HMBOX1: variants seen among roughly 807,000 people sequenced by gnomAD.
The protein encoded by HMBOX1 is homeobox-containing protein 1.
A neutral mutation model predicts 54.5 loss-of-function variants in HMBOX1; 14 were observed. That is an observed-to-expected ratio of 0.26 (90% CI 0.17 to 0.40). The LOEUF is 0.40. Ranked by LOEUF, HMBOX1 falls within the 10% of genes least tolerant of loss-of-function variation. The pLI is 1.00. For synonymous variants in HMBOX1, 160 were observed against 181.0 expected (o/e 0.88, Z 0.93); for missense variants, 332 against 514.4 (o/e 0.65, Z 3.43).
At chr8:28,921,450 G>A (rs1417397935) in intron 1 of HMBOX1, among the ~76,000 whole-genome samples, 1 of 152,140 alleles carries the variant, frequency 6.6e-6, no homozygotes, top group African/African-American at 2.4e-5. Flanking sequence ...ACTGTATAAA[G>A]GAAACCTGTA....
chr8:28,966,469 T>A (rs1826457101), intron 2 of HMBOX1, among the ~76,000 whole-genome samples: 1 of 152,222 alleles, frequency 6.6e-6, no homozygotes, highest in Non-Finnish European at 1.5e-5. Flanking sequence ...TCCTTGTGCA[T>A]AAGAAAATTA....
intron 1 of HMBOX1, among the ~76,000 whole-genome samples, chr8:28,897,723 T>C (rs1444689259): frequency 6.6e-6 from 1 of 152,230 alleles, no homozygotes; most frequent in African/African-American, 2.4e-5. Context: ...ATTCAAGGCT[T>C]ACATGGTATG....
Position 28,983,746 on chromosome 8 carries a change from G to A in HMBOX1, c.586+3590G>A, listed in dbSNP as rs116985276. 2.0e-5 allele frequency among the ~76,000 whole-genome samples: 3 copies of A among 152,304 alleles called. No homozygotes were observed. In the East Asian group the frequency reaches 5.8e-4, roughly 29 times the overall value. On this transcript the variant is annotated intron_variant, in intron 4 of 9. Coordinates refer to ENST00000287701, the MANE Select transcript of HMBOX1 (RefSeq NM_001135726.3). ...GTCCAGTGTGACTTTCTTCAGTGGT[G>A]TGCCCTCTCCAAAAATAATAATTCA...
intron 4 of HMBOX1, among the ~76,000 whole-genome samples, chr8:29,005,081 C>T (rs1833242491): frequency 1.3e-5 from 2 of 152,156 alleles, no homozygotes; most frequent in South Asian, 4.1e-4. Context: ...ATTTCTTCCT[C>T]ACACAAAAGA....
In HMBOX1 at chr8:28,904,100, C is replaced by T. The variant is rs528111325; in HGVS notation, c.-58+13422C>T. On this transcript the variant is annotated intron_variant, in intron 1 of 9. Transcript: ENST00000287701. ...GCCTTTTCTTTGTGTGTGACTCTATCAGTTGACACTCTACATCAGTTTTTC... is the reference window on the plus strand; with the variant it reads ...GCCTTTTCTTTGTGTGTGACTCTATTAGTTGACACTCTACATCAGTTTTTC... Among the ~76,000 whole-genome samples, 3 of 152,264 alleles carry T rather than the reference C, an allele frequency of 2.0e-5. No homozygotes were observed. The South Asian group carries it at 6.2e-4, about 32-fold the overall frequency.
rs553979503 is a variant in HMBOX1, at chr8:28,993,857, C to G, written c.586+13701C>G. ...GCAAGAAAAAAATACATAAGAATAA[C>G]TAAGAGATTGTTTAAAAAGAACAGG... On this transcript the variant is annotated intron_variant, in intron 4 of 9. Coordinates refer to ENST00000287701, the MANE Select transcript of HMBOX1 (RefSeq NM_001135726.3). 8.6e-4 allele frequency among the ~76,000 whole-genome samples: 131 copies of G among 152,036 alleles called. 1 individual carries two copies. Among genetic ancestry groups the G allele is most frequent in the African/African-American group, 2.8e-3 (116 of 41,458 alleles).
intron 1 of HMBOX1, among the ~76,000 whole-genome samples, chr8:28,925,607 C>G (rs1423004841): frequency 6.7e-6 from 1 of 149,954 alleles, no homozygotes. Context: ...GTCAGAAATA[C>G]AGACTCAGCC....
chr8:28,961,016 ACCTCATGATCTGT>A lies in HMBOX1; in HGVS notation c.-57-2793_-57-2781del, dbSNP rs1244226139. On this transcript the variant is annotated intron_variant, in intron 1 of 9. Transcript: ENST00000287701. ...TGGCCAGGATGGTCTCGATCTCTTG[ACCTCATGATCTGT>A]CTGCCTTGGCCTCCCAAAGTGCTGG... is the stretch of plus-strand genomic sequence containing the variant. 2.4e-4 allele frequency among the ~76,000 whole-genome samples: 36 copies of A among 150,944 alleles called. 1 individual carries two copies. Among genetic ancestry groups the A allele is most frequent in the Admixed American group, 2.4e-3 (36 of 15,166 alleles).
chr8:29,042,455 G>A (rs1475621108), intron 6 of HMBOX1, among the ~76,000 whole-genome samples: 2 of 152,222 alleles, frequency 1.3e-5, no homozygotes, highest in Non-Finnish European at 2.9e-5. Flanking sequence ...ACAGTGGTCA[G>A]TTTGAGGGCT....
intron 4 of HMBOX1, among the ~76,000 whole-genome samples, chr8:28,999,098 A>ATTTGAGTTACTGC (rs1175620498): frequency 6.6e-6 from 1 of 152,110 alleles, no homozygotes; most frequent in Non-Finnish European, 1.5e-5. Flanking sequence ...CTTCAGGTGT[A>ATTTGAGTTACTGC]TTTGAGTTAC....
At chr8:28,903,385 G>A (rs915898048) in intron 1 of HMBOX1, among the ~76,000 whole-genome samples, 10 of 152,218 alleles carry the variant, frequency 6.6e-5, no homozygotes, top group Non-Finnish European at 1.3e-4. Flanking sequence ...TGTTAGATTG[G>A]CCTGTGGTAA....
chr8:29,015,928 A>G (rs1044807262), intron 5 of HMBOX1, among the ~76,000 whole-genome samples: 1 of 152,250 alleles, frequency 6.6e-6, no homozygotes, highest in African/African-American at 2.4e-5. Flanking sequence ...GGCAGTGGGT[A>G]TAATTTGCCA....
chr8:28,994,696 G>A (rs1431391271), intron 4 of HMBOX1, among the ~76,000 whole-genome samples: 4 of 152,152 alleles, frequency 2.6e-5, no homozygotes, highest in Admixed American at 2.0e-4. Flanking sequence ...GGTATTTGTA[G>A]CATTATAGAG....
chr8:28,902,247 A>C (rs578071758), intron 1 of HMBOX1, among the ~76,000 whole-genome samples: 2 of 152,300 alleles, frequency 1.3e-5, no homozygotes, highest in East Asian at 3.9e-4. Context: ...CGCTGGTACC[A>C]GCTACAGCCA....
intron 7 of HMBOX1, among the ~76,000 whole-genome samples, chr8:29,047,078 G>A (rs947917943): frequency 6.6e-6 from 1 of 152,230 alleles, no homozygotes; most frequent in Non-Finnish European, 1.5e-5. Flanking sequence ...TGACACCCTA[G>A]CCAACTGACT....
intron 1 of HMBOX1, 50 bp from the exon 2 acceptor site, chr8:28,963,761 A>G: frequency 1.2e-6 from 1 of 830,142 alleles, no homozygotes; most frequent in Admixed American, 2.7e-5. Flanking sequence ...ATTTTTATTC[A>G]GCACTTGATT....
At chr8:28,995,577 C>G (rs1831687814) in intron 4 of HMBOX1, among the ~76,000 whole-genome samples, 1 of 152,176 alleles carries the variant, frequency 6.6e-6, no homozygotes, top group African/African-American at 2.4e-5. Flanking sequence ...ACTGCCAAAA[C>G]TGTTTTCCAT....
chr8:28,978,926 G>C (rs1235849694), intron 3 of HMBOX1, among the ~76,000 whole-genome samples: 1 of 152,130 alleles, frequency 6.6e-6, no homozygotes, highest in African/African-American at 2.4e-5. Context: ...AGGCCTGCTA[G>C]TCAGAAGAAT....
At chr8:28,944,504 G>A (rs1822057186) in intron 1 of HMBOX1, among the ~76,000 whole-genome samples, 3 of 152,136 alleles carry the variant, frequency 2.0e-5, no homozygotes, top group African/African-American at 4.8e-5. Flanking sequence ...CTTTGAATGT[G>A]GTTTGTTCTG....
Sources: gnomAD v4.1 joint callset for allele counts (sites outside exome capture counted in the v4.1 genomes callset) on GRCh38, gnomAD v4.1.1 for gene constraint, MANE v1.5 for transcripts, NCBI Gene and HGNC (gene_info 2026-07-23, HGNC 2026-07-21) for gene names.